AIDA: variants seen among roughly 807,000 people sequenced by gnomAD.
AIDA encodes axin interactor, dorsalization-associated protein.
In AIDA, 18 loss-of-function variants were observed where a neutral mutation model predicts 42.7. The observed-to-expected ratio is 0.42, with a 90% confidence interval of 0.29 to 0.63. The LOEUF is 0.63. Ranked by LOEUF, AIDA falls within the 20% of genes least tolerant of loss-of-function variation. The probability of loss-of-function intolerance (pLI) is 0.19; values close to 1 mark genes in which losing one functional copy is unlikely to be tolerated. For synonymous variants in AIDA, 104 were observed against 122.9 expected (o/e 0.85, Z 1.02); for missense variants, 250 against 354.1 (o/e 0.71, Z 2.36).
intron 4 of AIDA, among the ~76,000 whole-genome samples, chr1:222,689,465 A>ATGTG (rs1571932371): frequency 2.1e-5 from 2 of 96,048 alleles, no homozygotes; most frequent in East Asian, 3.1e-4. Flanking sequence ...AAAAGAAAAT[A>ATGTG]TGTATGTGTG....
rs1348343286 is a variant in AIDA, at chr1:222,700,974, G to C, written c.180+2174C>G. On this transcript the variant is annotated intron_variant, in intron 2 of 9. Coordinates refer to ENST00000340020, the MANE Select transcript of AIDA (RefSeq NM_022831.4). ...AGACTCATTTCTTGATTTTTTTTGG[G>C]GGGGGGGGGACAGGGTCTCACTGTG... 2.0e-5 allele frequency among the ~76,000 whole-genome samples: 3 copies of C among 146,718 alleles called. 1 individual carries two copies. Among genetic ancestry groups the C allele is most frequent in the African/African-American group, 5.1e-5 (2 of 39,326 alleles).
intron 4 of AIDA, among the ~76,000 whole-genome samples, chr1:222,687,902 G>A (rs143030001): frequency 1.3e-5 from 2 of 152,256 alleles, no homozygotes; most frequent in African/African-American, 4.8e-5. Flanking sequence ...AGAAGAGTAA[G>A]TTCCAGAGTC....
At chr1:222,702,439 A>G (rs1425545368) in intron 2 of AIDA, among the ~76,000 whole-genome samples, 1 of 152,158 alleles carries the variant, frequency 6.6e-6, no homozygotes, top group Non-Finnish European at 1.5e-5. Context: ...GAGCCAAGAG[A>G]TAATGGGAGT....
In AIDA at chr1:222,694,325, C is replaced by A. The variant is rs534018813; in HGVS notation, c.181-62G>T. Reference sequence around the variant, plus strand: ...TATCATAACTGTTAGTTCAAATCATCAAGTTAATTTTTATTAATAAAAGAT... The same window carrying A: ...TATCATAACTGTTAGTTCAAATCATAAAGTTAATTTTTATTAATAAAAGAT... On this transcript the variant is annotated intron_variant, in intron 2 of 9. Coordinates refer to ENST00000340020, the MANE Select transcript of AIDA (RefSeq NM_022831.4). 2.9e-5 allele frequency: 38 copies of A among 1,331,104 alleles called. No homozygotes were observed. The South Asian group carries it at 4.3e-4, about 15-fold the overall frequency. 82.5% of individuals were successfully genotyped at this position (1,331,104 alleles called of 1,614,324 possible).
intron 2 of AIDA, among the ~76,000 whole-genome samples, chr1:222,694,523 G>A (rs190312239): frequency 3.2e-4 from 48 of 152,282 alleles, no homozygotes; most frequent in Admixed American, 2.7e-3. Flanking sequence ...GATGACAGCT[G>A]TAGATATGAT....
intron 2 of AIDA, among the ~76,000 whole-genome samples, chr1:222,701,735 T>G (rs1272651057): frequency 6.6e-6 from 1 of 152,192 alleles, no homozygotes; most frequent in Non-Finnish European, 1.5e-5. Flanking sequence ...TTATTTATTT[T>G]CAAGACAAGA....
chr1:222,711,093 TG>T (rs1656009103), intron 1 of AIDA, among the ~76,000 whole-genome samples: 1 of 22,108 alleles, frequency 4.5e-5, no homozygotes, highest in Non-Finnish European at 9.0e-5. Context: ...CGGGGGCGGA[TG>T]GGGGGTGGGG....
intron 2 of AIDA, among the ~76,000 whole-genome samples, chr1:222,700,107 T>G (rs769745517): frequency 6.6e-6 from 1 of 152,156 alleles, no homozygotes; most frequent in African/African-American, 2.4e-5. Flanking sequence ...ATTCACAATG[T>G]AGTATACAGT....
chr1:222,703,939 ATAAAAC>A lies in AIDA; in HGVS notation c.111-728_111-723del, dbSNP rs1461226141. Among the ~76,000 whole-genome samples, 8 of 152,364 alleles carry A rather than the reference ATAAAAC, an allele frequency of 5.3e-5. No homozygotes were observed. In the East Asian group the frequency reaches 1.5e-3, roughly 29 times the overall value. On this transcript the variant is annotated intron_variant, in intron 1 of 9. Transcript: ENST00000340020. ...AGTCAACCCTCTTACAAACTAAACTATAAAACTATGGTCTCAACTATAAAAAGACCA... is the reference window on the plus strand; with the variant it reads ...AGTCAACCCTCTTACAAACTAAACTATATGGTCTCAACTATAAAAAGACCA...
intron 3 of AIDA, 108 bp from the exon 4 acceptor site, chr1:222,693,951 T>C: frequency 2.9e-6 from 3 of 1,049,822 alleles, no homozygotes; most frequent in Non-Finnish European, 2.8e-6. Context: ...TTTCTTGCTT[T>C]CAAGGTAGAA....
intron 2 of AIDA, among the ~76,000 whole-genome samples, chr1:222,696,063 A>G (rs978840089): frequency 1.3e-5 from 2 of 152,234 alleles, no homozygotes; most frequent in African/African-American, 4.8e-5. Flanking sequence ...ACAATATTGA[A>G]CCATTTCCAC....
intron 2 of AIDA, among the ~76,000 whole-genome samples, chr1:222,698,255 A>G (rs1258431200): frequency 6.6e-6 from 1 of 152,196 alleles, no homozygotes; most frequent in Admixed American, 6.5e-5. Flanking sequence ...TTTATCACCA[A>G]TTAATAAAGT....
At chr1:222,709,289 G>C (rs1438471418) in intron 1 of AIDA, among the ~76,000 whole-genome samples, 1 of 152,186 alleles carries the variant, frequency 6.6e-6, no homozygotes, top group South Asian at 2.1e-4. Flanking sequence ...AAATTAGTTG[G>C]ACGTGGTAGT....
At chr1:222,672,031 A>G (rs1400149045) in intron 8 of AIDA, among the ~76,000 whole-genome samples, 1 of 152,220 alleles carries the variant, frequency 6.6e-6, no homozygotes, top group Non-Finnish European at 1.5e-5. Context: ...TTTTTATAAG[A>G]AAGAACAAAA....
At chr1:222,689,481 G>GTGTGTATA (rs1253190601) in intron 4 of AIDA, among the ~76,000 whole-genome samples, 11 of 35,354 alleles carry the variant, frequency 3.1e-4, no homozygotes, top group Admixed American at 5.3e-4. Flanking sequence ...GTGTGTGTGT[G>GTGTGTATA]TATATATATA....
intron 8 of AIDA, among the ~76,000 whole-genome samples, chr1:222,672,750 A>G (rs145244048): frequency 6.0e-4 from 92 of 152,336 alleles, no homozygotes; most frequent in South Asian, 1.5e-3. Flanking sequence ...AGAAACTGCA[A>G]CTGAACCCTC....
At chr1:222,689,550 CATATATATGT>C (rs1350031740) in intron 4 of AIDA, among the ~76,000 whole-genome samples, 94 of 56,320 alleles carry the variant, frequency 1.7e-3, no homozygotes, top group African/African-American at 4.1e-3. Context: ...CATATATATA[CATATATATGT>C]ATATATATGT....
At chr1:222,671,679 G>A (rs1041256390) in intron 8 of AIDA, among the ~76,000 whole-genome samples, 1 of 152,178 alleles carries the variant, frequency 6.6e-6, no homozygotes. Flanking sequence ...CTCCCAACAC[G>A]CTCGAAAGGA....
chr1:222,695,016 C>G (rs1481370233), intron 2 of AIDA, among the ~76,000 whole-genome samples: 2 of 152,152 alleles, frequency 1.3e-5, no homozygotes, highest in Non-Finnish European at 2.9e-5. Context: ...TGTCATGGTT[C>G]AATTGTCTAA....
Sources: allele counts gnomAD v4.1 joint callset (sites outside exome capture counted in the v4.1 genomes callset), GRCh38; gene constraint gnomAD v4.1.1; transcripts MANE v1.5; gene names NCBI Gene and HGNC (gene_info 2026-07-23, HGNC 2026-07-21).